Variants in QARS1 observed in about 807,000 individuals in gnomAD.
The protein encoded by QARS1 is glutamine--tRNA ligase.
QARS1 carries 79 observed loss-of-function variants against 106.9 expected under a neutral mutation model. The ratio of observed to expected loss-of-function variants is 0.74; its 90% CI spans 0.62 to 0.89. The LOEUF (loss-of-function observed/expected upper bound fraction) is 0.89. Ranked by LOEUF, QARS1 falls within the 40% of genes least tolerant of loss-of-function variation. The pLI is 0.00. For synonymous variants in QARS1, 395 were observed against 367.7 expected (o/e 1.07, Z -0.85); for missense variants, 966 against 997.2 (o/e 0.97, Z 0.42).
At chr3:49,099,900 C>A (rs1209191161) in intron 14 of QARS1, 47 bp from the exon 15 acceptor site, 1 of 1,614,048 alleles carries the variant, frequency 6.2e-7, no homozygotes, top group African/African-American at 1.3e-5. Context: ...CTACTCTGCC[C>A]TACCCCATGG....
In QARS1 at chr3:49,099,569, C is replaced by T; in HGVS notation, c.1467G>A (p.Leu489=). The T allele has an allele frequency of 6.2e-7, 1 of 1,614,168 alleles. No homozygotes were observed. Among genetic ancestry groups the T allele is most frequent in the Non-Finnish European group, 8.5e-7 (1 of 1,180,034 alleles). Residue 489 remains leucine (L), a synonymous_variant, in exon 16 of 24, where the codon CTG becomes CTA. Coordinates refer to ENST00000306125, the MANE Select transcript of QARS1 (RefSeq NM_005051.3). ...TCCTCTTAGAGACAACAGCATAGTG[C>T]AGGTTGAGGCGGCCATACTCCCACT... The part of the protein sequence containing the change: ...PVQWEYGRLN[L]HYAVVSKRKI...
At chr3:49,099,075 A>G in intron 18 of QARS1, 35 bp downstream of exon 18, 1 of 1,614,064 alleles carries the variant, frequency 6.2e-7, no homozygotes, top group Non-Finnish European at 8.5e-7. Flanking sequence ...CCAGCTACAC[A>G]CACACATGTG....
intron 18 of QARS1, 52 bp from the exon 19 acceptor site, chr3:49,099,041 C>G: frequency 6.2e-7 from 1 of 1,612,942 alleles, no homozygotes; most frequent in Non-Finnish European, 8.5e-7. Flanking sequence ...ATTAGGACCC[C>G]CATGCCCAGA....
chr3:49,104,624 G>C lies in QARS1; in HGVS notation c.110C>G (p.Ala37Gly). 1 of 1,603,146 alleles carries C rather than the reference G, an allele frequency of 6.2e-7. No individual in the cohort carries two copies. Among genetic ancestry groups the C allele is most frequent in the South Asian group, 1.1e-5 (1 of 90,908 alleles). The change falls in exon 1 of 24, where the codon GCT becomes GGT. Residue 37 changes from alanine (A) to glycine (G), a missense_variant. By Grantham distance (60) the Ala-to-Gly change is moderately conservative. Coordinates refer to ENST00000306125, the MANE Select transcript of QARS1 (RefSeq NM_005051.3). ...SALSAQLREA[A>G]TQAQQTLGST... ...GGGCAGAGGGGCTCGCACCTGAGTAGCGGCCTCGCGCAGCTGCGCGCTCAG... is the reference window on the plus strand; with the variant it reads ...GGGCAGAGGGGCTCGCACCTGAGTACCGGCCTCGCGCAGCTGCGCGCTCAG...
At position 49,101,864 on chromosome 3, in the gene QARS1, G is replaced by A; in HGVS notation, c.667C>T (p.Gln223Ter). 6.2e-7 allele frequency: 1 copy of A among 1,612,462 alleles called. No individual in the cohort carries two copies. The highest frequency in any genetic ancestry group is 8.5e-7 in the Non-Finnish European group (1 of 1,179,194). ...TADQTLSLME[Q>*]LRGEALKFHK... ...AACTTAAGGGCCTCCCCCCGGAGCT[G>A]CTCCATCAGAGACAGGGTCTGGTCA... Residue 223 changes from glutamine (Q) to a stop codon, truncating the protein, a stop_gained, in exon 8 of 24, where the codon CAG becomes TAG. Transcript: ENST00000306125. LOFTEE classifies it high-confidence loss of function.
chr3:49,103,226 G>A, intron 5 of QARS1, 119 bp downstream of exon 5: 1 of 1,070,668 alleles, frequency 9.3e-7, no homozygotes, highest in Non-Finnish European at 1.4e-6. Flanking sequence ...CCAAAGTGCT[G>A]GGATCAGAAG....
rs1060502309 is a variant in QARS1, at chr3:49,102,268, G to C, written c.571-3C>G. On this transcript the variant is annotated splice_polypyrimidine_tract_variant and splice_region_variant and intron_variant, in intron 6 of 23. Transcript: ENST00000306125. ...TCTTCTAGCCGAGCTTTTGCCACCTGAAAGAAGCCCCAGGTGCTTCAGAAA... is the reference window on the plus strand; with the variant it reads ...TCTTCTAGCCGAGCTTTTGCCACCTCAAAGAAGCCCCAGGTGCTTCAGAAA... 2.5e-6 allele frequency: 4 copies of C among 1,614,200 alleles called. No individual in the cohort carries two copies. Among genetic ancestry groups the C allele is most frequent in the Non-Finnish European group, 3.4e-6 (4 of 1,180,034 alleles).
intron 2 of QARS1, 102 bp downstream of exon 2, chr3:49,104,222 G>A (rs2042508413): frequency 1.3e-6 from 2 of 1,505,722 alleles, no homozygotes; most frequent in Non-Finnish European, 1.8e-6. Context: ...TGCAGAACTA[G>A]GTGTCTAGAA....
chr3:49,098,890 T>C lies in QARS1; in HGVS notation c.1858A>G (p.Lys620Glu). 6.2e-7 allele frequency: 1 copy of C among 1,611,582 alleles called. No homozygotes were observed. Among genetic ancestry groups the C allele is most frequent in the East Asian group, 2.2e-5 (1 of 44,856 alleles). ...PIVFIERTDF[K>E]EEPEPGFKRL... ...CCTCCACCCCCACAATTTACCTCCT[T>C]GAAGTCAGTCCTCTCAATGAAGACA... The change falls in exon 19 of 24, where the codon AAG becomes GAG. Residue 620 changes from lysine (K) to glutamate (E), a missense_variant. Lys to Glu is a moderately conservative substitution (Grantham distance 56). Transcript: ENST00000306125.
chr3:49,099,316 T>C (rs2042435149), intron 17 of QARS1, 28 bp downstream of exon 17: 2 of 1,614,094 alleles, frequency 1.2e-6, no homozygotes, highest in East Asian at 2.2e-5. Flanking sequence ...CAACCCCCAA[T>C]GTATCTACCC....
Position 49,104,728 on chromosome 3 carries a change from C to G in QARS1, c.6G>C (p.Ala2=). 2.5e-6 allele frequency: 4 copies of G among 1,612,696 alleles called. No homozygotes were observed. The South Asian group carries it at 3.3e-5, about 13-fold the overall frequency. Residue 2 remains alanine, a synonymous_variant, in exon 1 of 24, where the codon GCG becomes GCC. Transcript: ENST00000306125. The part of the protein sequence containing the change: M[A]ALDSLSLFTS... ...TGAAGAGCGACAGGGAGTCTAGAGC[C>G]GCCATTGCAGAGACACCGGAAACTA... is the stretch of plus-strand genomic sequence containing the variant.
chr3:49,096,078 A>G lies in QARS1; in HGVS notation c.2279T>C (p.Leu760Pro). ...CAGTGTGACAGTTCGGTTAAAGACA[A>G]GCTGGAGGGCAGAGGGAAAAGGATG... ...SVDPDSHQGK[L>P]VFNRTVTLKE... is the part of the protein sequence containing the mutation. The change falls in exon 24 of 24, where the codon CTT becomes CCT. Residue 760 changes from leucine to proline, a missense_variant and splice_region_variant. By Grantham distance (98) the Leu-to-Pro change is moderately conservative. Transcript: ENST00000306125. 1 of 1,613,752 alleles carries G rather than the reference A, an allele frequency of 6.2e-7. No homozygotes were observed. Among genetic ancestry groups the G allele is most frequent in the East Asian group, 2.2e-5 (1 of 44,880 alleles).
Position 49,100,309 on chromosome 3 carries a change from G to T in QARS1, c.1056-11C>A, listed in dbSNP as rs973787434. On this transcript the variant is annotated splice_polypyrimidine_tract_variant and intron_variant, in intron 12 of 23. Transcript: ENST00000306125. ...ACATAAGCCAGACCCCTGTGGGGAA[G>T]CGGTGTGAGTGCCCAGCATGGCTGT... 5 of 1,614,070 alleles carry T rather than the reference G, an allele frequency of 3.1e-6. No homozygotes were observed. The African/African-American group carries it at 5.3e-5, about 17-fold the overall frequency.
intron 23 of QARS1, 133 bp downstream of exon 23, chr3:49,097,859 A>C: frequency 7.7e-7 from 1 of 1,306,954 alleles, no homozygotes; most frequent in Non-Finnish European, 1.1e-6. Flanking sequence ...CAGTTTCCTC[A>C]CTAGTAGAAT....
In QARS1 at chr3:49,099,946, C is replaced by G. The variant is rs1273698912; in HGVS notation, c.1295+15G>C. ...TGCTCGGCAGCCCCACCACCCCACC[C>G]CATTCTACACCCACCATTTGTCCCC... On this transcript the variant is annotated intron_variant, in intron 14 of 23. Coordinates refer to ENST00000306125, the MANE Select transcript of QARS1 (RefSeq NM_005051.3). 1 of 1,613,834 alleles carries G rather than the reference C, an allele frequency of 6.2e-7. No individual in the cohort carries two copies. Among genetic ancestry groups the G allele is most frequent in the Non-Finnish European group, 8.5e-7 (1 of 1,179,938 alleles).
intron 23 of QARS1, among the ~76,000 whole-genome samples, chr3:49,096,336 A>C (rs755525881): frequency 1.1e-4 from 16 of 152,202 alleles, no homozygotes; most frequent in African/African-American, 2.7e-4. Context: ...GGATTATAAC[A>C]ACCACCATGT....
At chr3:49,102,384 C>T (rs998525938) in intron 6 of QARS1, 35 bp downstream of exon 6, 21 of 1,613,542 alleles carry the variant, frequency 1.3e-5, no homozygotes, top group Non-Finnish European at 1.4e-5. Context: ...TACCTCACCT[C>T]ACCCTCAGGG....
Position 49,100,187 on chromosome 3 carries a change from C to G in QARS1, c.1164+3G>C. 1 of 1,614,238 alleles carries G rather than the reference C, an allele frequency of 6.2e-7. No individual in the cohort carries two copies. The highest frequency in any genetic ancestry group is 8.5e-7 in the Non-Finnish European group (1 of 1,180,038). On this transcript the variant is annotated splice_donor_region_variant and intron_variant, in intron 13 of 23. Transcript: ENST00000306125. ...AAACCCAGATGCTCCTCTAGGACCC[C>G]ACCTCAAAGAGCAGCAGTGACTCCT... is the stretch of plus-strand genomic sequence containing the variant.
At chr3:49,099,693 G>A in intron 15 of QARS1, 46 bp from the exon 16 acceptor site, 1 of 1,613,140 alleles carries the variant, frequency 6.2e-7, no homozygotes, top group Non-Finnish European at 8.5e-7. Context: ...CTGGAACCAG[G>A]CAGAGACCAC....
Sources: allele counts gnomAD v4.1 joint callset (sites outside exome capture counted in the v4.1 genomes callset), GRCh38; gene constraint gnomAD v4.1.1; transcripts MANE v1.5; gene names NCBI Gene and HGNC (gene_info 2026-07-23, HGNC 2026-07-21).